The following DSE variants were observed in gnomAD, a reference collection of about 807,000 sequenced individuals.
DSE encodes the protein dermatan sulfate epimerase.
Under a neutral mutation model 84.4 loss-of-function variants are expected in DSE, and 36 were observed. That is an observed-to-expected ratio of 0.43 (90% confidence interval 0.33 to 0.56). The LOEUF is 0.56. Ranked by LOEUF, DSE falls within the 20% of genes least tolerant of loss-of-function variation. The pLI is 0.06. For synonymous variants in DSE, 410 were observed against 430.1 expected (o/e 0.95, Z 0.58); for missense variants, 862 against 1,169.6 (o/e 0.74, Z 3.84).
intron 2 of DSE, among the ~76,000 whole-genome samples, chr6:116,322,351 T>C (rs1212607501): frequency 6.6e-6 from 1 of 152,104 alleles, no homozygotes; most frequent in Non-Finnish European, 1.5e-5. Flanking sequence ...GAGGCAGAAA[T>C]TGGGCATAAG....
intron 4 of DSE, 67 bp from the exon 5 acceptor site, chr6:116,433,276 T>C: frequency 7.0e-7 from 1 of 1,433,450 alleles, no homozygotes; most frequent in Non-Finnish European, 9.5e-7. Flanking sequence ...GAAAAGTCAT[T>C]GTTTAGACCT....
chr6:116,354,794 ATTACT>A (rs898089036), intron 2 of DSE, among the ~76,000 whole-genome samples: 2 of 152,278 alleles, frequency 1.3e-5, no homozygotes, highest in East Asian at 1.9e-4. Flanking sequence ...TTTTGGTTAC[ATTACT>A]TTTTATAATA....
At chr6:116,429,176 A>T (rs996893616) in intron 3 of DSE, among the ~76,000 whole-genome samples, 1 of 152,214 alleles carries the variant, frequency 6.6e-6, no homozygotes, top group Non-Finnish European at 1.5e-5. Flanking sequence ...AACTATCCAG[A>T]ATATTGACAT....
At position 116,431,060 on chromosome 6, in the gene DSE, T is replaced by C. The variant is rs1783801819; in HGVS notation, c.777T>C (p.Val259=). 6.2e-7 allele frequency: 1 copy of C among 1,614,042 alleles called. No individual in the cohort carries two copies. The highest frequency in any genetic ancestry group is 1.7e-5 in the Admixed American group (1 of 59,990). Residue 259 remains valine (V), a synonymous_variant, in exon 4 of 6, where the codon GTT becomes GTC. Coordinates refer to ENST00000644252, the MANE Select transcript of DSE (RefSeq NM_013352.4). ...CGGATGGCTCCCTCTATGAAGGAGT[T>C]GCGTATGGCAGCTACACCACTAGAT... The part of the protein sequence containing the change: ...EVTDGSLYEG[V]AYGSYTTRSL...
rs1253141581 is a variant in DSE at position 116,435,746 on chromosome 6, A to G, written c.1278A>G (p.Ala426=). Residue 426 remains alanine (A), a synonymous_variant, in exon 6 of 6, where the codon GCA becomes GCG. Coordinates refer to ENST00000644252, the MANE Select transcript of DSE (RefSeq NM_013352.4). The part of the protein sequence containing the change: ...SFKSGKLGGR[A]IYDIVHRNKY... The stretch of plus-strand genomic sequence containing the variant: ...AGTCTGGAAAACTGGGGGGACGTGC[A>G]ATATATGACATTGTCCACAGAAACA... 7 of 1,614,020 alleles carry G rather than the reference A, an allele frequency of 4.3e-6. No individual in the cohort carries two copies. Among genetic ancestry groups the G allele is most frequent in the Non-Finnish European group, 5.9e-6 (7 of 1,180,016 alleles).
intron 1 of DSE, among the ~76,000 whole-genome samples, chr6:116,398,498 A>G (rs1223314840): frequency 2.6e-5 from 4 of 152,180 alleles, no homozygotes; most frequent in African/African-American, 7.2e-5. Flanking sequence ...CTGGGATTTT[A>G]TTCTCTGAAT....
chr6:116,416,301 G>T (rs1463742083), intron 2 of DSE, among the ~76,000 whole-genome samples: 1 of 151,332 alleles, frequency 6.6e-6, no homozygotes, highest in Admixed American at 6.6e-5. Context: ...ACAGTTTCTT[G>T]GGGGACTGTT....
intron 2 of DSE, chr6:116,401,291 A>G (rs1006077008): frequency 2.0e-5 from 3 of 152,140 alleles, no homozygotes; most frequent in African/African-American, 4.8e-5. Flanking sequence ...TAATTTTTAC[A>G]TAGTTTCCAC....
intron 2 of DSE, among the ~76,000 whole-genome samples, chr6:116,322,524 C>T (rs557291192): frequency 4.0e-4 from 61 of 152,072 alleles, no homozygotes; most frequent in South Asian, 1.2e-3. Context: ...CTTTCCTTCC[C>T]CACCATCCCC....
chr6:116,380,445 G>C (rs1053998410), intron 1 of DSE, among the ~76,000 whole-genome samples: 2 of 152,036 alleles, frequency 1.3e-5, no homozygotes, highest in Non-Finnish European at 2.9e-5. Context: ...GGGCAGAAGA[G>C]GGGGAATGAA....
intron 2 of DSE, among the ~76,000 whole-genome samples, chr6:116,314,233 T>C (rs545483857): frequency 6.6e-6 from 1 of 152,342 alleles, no homozygotes; most frequent in Non-Finnish European, 1.5e-5. Flanking sequence ...AAATCATATT[T>C]TTAAAAATCA....
At chr6:116,315,376 A>AT (rs1775909430) in intron 2 of DSE, among the ~76,000 whole-genome samples, 1 of 150,720 alleles carries the variant, frequency 6.6e-6, no homozygotes, top group South Asian at 2.1e-4. Flanking sequence ...TATTTTTGTT[A>AT]TTTTGTCAGT....
At chr6:116,261,219 CTTTATTTATTTATTTATTTAT>C (rs149043767) in intron 2 of DSE, among the ~76,000 whole-genome samples, 1 of 151,356 alleles carries the variant, frequency 6.6e-6, no homozygotes, top group Non-Finnish European at 1.5e-5. Context: ...TTCCTAGGTA[CTTTATTTATTTATTTATTTAT>C]TTGTTGAGAC....
intron 2 of DSE, among the ~76,000 whole-genome samples, chr6:116,332,526 A>G (rs1777013120): frequency 6.6e-6 from 1 of 152,218 alleles, no homozygotes; most frequent in East Asian, 1.9e-4. Context: ...TCTACTGGAT[A>G]TTAATACTTA....
upstream of DSE, among the ~76,000 whole-genome samples, chr6:116,368,927 G>A (rs1011348932): frequency 6.7e-4 from 99 of 148,072 alleles, no homozygotes; most frequent in Non-Finnish European, 1.2e-3. Context: ...TAATGGGGTG[G>A]GCGGGGGCGG....
chr6:116,290,858 A>T (rs1774233388), intron 2 of DSE, among the ~76,000 whole-genome samples: 2 of 152,166 alleles, frequency 1.3e-5, no homozygotes, highest in African/African-American at 4.8e-5. Flanking sequence ...AGCCAACCTC[A>T]GTGAAATTGT....
chr6:116,280,486 G>C (rs1485360894), intron 2 of DSE, among the ~76,000 whole-genome samples: 2 of 152,192 alleles, frequency 1.3e-5, no homozygotes, highest in Non-Finnish European at 2.9e-5. Flanking sequence ...ATAAGAGTTT[G>C]TGCTGCATAG....
intron 2 of DSE, among the ~76,000 whole-genome samples, chr6:116,273,901 C>T (rs566346793): frequency 6.8e-6 from 1 of 147,894 alleles, no homozygotes; most frequent in Admixed American, 6.8e-5. Context: ...TCAATCTTGG[C>T]TCACTGCAGC....
intron 2 of DSE, among the ~76,000 whole-genome samples, chr6:116,315,081 A>G (rs1583001382): frequency 6.6e-6 from 1 of 152,070 alleles, no homozygotes; most frequent in South Asian, 2.1e-4. Flanking sequence ...GGCCTGATTC[A>G]CCTCCTAACT....
Sources: allele counts gnomAD v4.1 joint callset (sites outside exome capture counted in the v4.1 genomes callset), GRCh38; gene constraint gnomAD v4.1.1; transcripts MANE v1.5; gene names NCBI Gene and HGNC (gene_info 2026-07-23, HGNC 2026-07-21).